SIRPG: variants seen among roughly 807,000 people sequenced by gnomAD.
SIRPG encodes the protein signal regulatory protein gamma.
SIRPG carries 38 observed loss-of-function variants against 35.7 expected under a neutral mutation model. That is an observed-to-expected ratio of 1.06 (90% CI 0.82 to 1.40). The LOEUF (loss-of-function observed/expected upper bound fraction) is 1.40. Among genes scored for constraint, SIRPG ranks in the 40% most tolerant of loss-of-function variants. The pLI, the probability that SIRPG is intolerant of heterozygous loss-of-function variation, is 0.00. For synonymous variants in SIRPG, 215 were observed against 190.4 expected, an observed-to-expected ratio of 1.13 and a Z score of -1.06; for missense variants, 519 against 483.0, an observed-to-expected ratio of 1.07 and a Z score of -0.70.
At chr20:1,658,450 T>C (rs1162912007), upstream of SIRPG, among the ~76,000 whole-genome samples, 1 of 152,110 alleles carries the variant, frequency 6.6e-6, no homozygotes, top group African/African-American at 2.4e-5. Context: ...AAGATTATGG[T>C]GGGCAGGTTC....
In SIRPG at chr20:1,657,773, C is replaced by G; in HGVS notation, c.-59G>C. ...GTCTGTTCTGGGGAGATGTCAGGCC[C>G]TGCTCTGAAGACAGAAGACAAGCCC... is the stretch of plus-strand genomic sequence containing the variant. On this transcript the variant is annotated 5_prime_UTR_variant, in exon 1 of 6. Transcript: ENST00000303415. 6.6e-7 allele frequency: 1 copy of G among 1,518,916 alleles called. No individual in the cohort carries two copies. The allele number at this position is 1,518,916 out of a possible 1,614,324, so 94.1% of individuals were successfully genotyped here.
rs2091920904 is a variant in SIRPG, at chr20:1,649,246, T to C, written c.236A>G (p.Asn79Ser). 1 of 1,613,998 alleles carries C rather than the reference T, an allele frequency of 6.2e-7. No individual in the cohort carries two copies. The highest frequency in any genetic ancestry group is 8.5e-7 in the Non-Finnish European group (1 of 1,180,030). The change falls in exon 2 of 6, where the codon AAT becomes AGT. Residue 79 changes from asparagine to serine, a missense_variant. By Grantham distance (46) the Asn-to-Ser change is conservative. Coordinates refer to ENST00000303415, the MANE Select transcript of SIRPG (RefSeq NM_018556.4). The stretch of plus-strand genomic sequence containing the variant: ...CCTGGGGAAGTGGCCTTCTTTTTGA[T>C]TGTAGATTAATTCCCGGCCTGGTCC... ...GVGPGRELIYNQKEGHFPRVT... is the reference protein window; with the variant it reads ...GVGPGRELIYSQKEGHFPRVT...
chr20:1,631,384 G>A (rs773086937), intron 4 of SIRPG, among the ~76,000 whole-genome samples: 14 of 152,120 alleles, frequency 9.2e-5, no homozygotes, highest in Admixed American at 6.5e-4. Flanking sequence ...ATTGAAAATA[G>A]GAAGGCCACG....
chr20:1,634,482 C>T (rs997532780), intron 4 of SIRPG, among the ~76,000 whole-genome samples: 18 of 151,336 alleles, frequency 1.2e-4, no homozygotes, highest in Non-Finnish European at 2.5e-4. Context: ...GCTGGGATTA[C>T]AGGCGTGAGC....
At chr20:1,663,008 A>G in the SIRPG span, among the ~76,000 whole-genome samples, 1 of 151,262 alleles carries the variant, frequency 6.6e-6, no homozygotes, top group Non-Finnish European at 1.5e-5. Context: ...ACAGGATTTG[A>G]CTTTTCAAAA....
At chr20:1,684,477 A>C in the SIRPG span, among the ~76,000 whole-genome samples, 81,320 of 151,792 alleles carry the variant, frequency 0.54, 21,991 homozygotes, top group Admixed American at 0.59. Context: ...ATACTATATA[A>C]AGATGTTTTG....
Position 1,657,732 on chromosome 20 carries a change from C to A in SIRPG, c.-18G>T. ...ACAGGCATTTTGGAGACCTCAGAAG[C>A]CTGCTCTGTTCAAACGTCTGTTCTG... On this transcript the variant is annotated 5_prime_UTR_variant, in exon 1 of 6. Coordinates refer to ENST00000303415, the MANE Select transcript of SIRPG (RefSeq NM_018556.4). The A allele has an allele frequency of 6.2e-7, 1 of 1,612,660 alleles. No homozygotes were observed. Among genetic ancestry groups the A allele is most frequent in the Non-Finnish European group, 8.5e-7 (1 of 1,178,762 alleles).
chr20:1,630,121 C>A, intron 5 of SIRPG, 101 bp downstream of exon 5: 1 of 923,050 alleles, frequency 1.1e-6, no homozygotes, highest in Non-Finnish European at 1.7e-6. Flanking sequence ...GGGAGCTTAA[C>A]TCCACGGACC....
chr20:1,686,137 A>G, the SIRPG span, among the ~76,000 whole-genome samples: 2 of 152,150 alleles, frequency 1.3e-5, no homozygotes, highest in East Asian at 3.8e-4. Context: ...GGATCACCTG[A>G]TTCCATCCCT....
chr20:1,650,516 G>A (rs777204836), intron 1 of SIRPG, among the ~76,000 whole-genome samples: 3 of 152,130 alleles, frequency 2.0e-5, no homozygotes, highest in African/African-American at 4.8e-5. Flanking sequence ...AAATCATAAA[G>A]CTGCAAGATG....
chr20:1,649,708 C>T (rs1172196240), intron 1 of SIRPG, among the ~76,000 whole-genome samples: 1 of 136,024 alleles, frequency 7.4e-6, no homozygotes, highest in East Asian at 2.4e-4. Context: ...ATAATCATGG[C>T]TCACGGCAAC....
At chr20:1,655,840 T>A (rs1385395910) in intron 1 of SIRPG, among the ~76,000 whole-genome samples, 3 of 152,058 alleles carry the variant, frequency 2.0e-5, no homozygotes, top group Non-Finnish European at 4.4e-5. Flanking sequence ...AAAATTTCAC[T>A]GAAAATAGAA....
the SIRPG span, among the ~76,000 whole-genome samples, chr20:1,677,301 G>A: frequency 6.6e-6 from 1 of 152,318 alleles, no homozygotes; most frequent in South Asian, 2.1e-4. Flanking sequence ...GCCATATGGA[G>A]TATTGCAATT....
At chr20:1,661,499 A>G (rs949316534), upstream of SIRPG, among the ~76,000 whole-genome samples, 3 of 152,206 alleles carry the variant, frequency 2.0e-5, no homozygotes, top group Non-Finnish European at 2.9e-5. Context: ...ACTCATGTAG[A>G]GCAGGCTGCA....
At chr20:1,632,370 C>G (rs371952403) in intron 4 of SIRPG, among the ~76,000 whole-genome samples, 2 of 152,162 alleles carry the variant, frequency 1.3e-5, no homozygotes, top group Non-Finnish European at 2.9e-5. Context: ...CAGTCTCTTA[C>G]CCGGCTCCCA....
chr20:1,648,702 T>A (rs1022664217), intron 2 of SIRPG, among the ~76,000 whole-genome samples: 3 of 151,824 alleles, frequency 2.0e-5, no homozygotes, highest in African/African-American at 7.3e-5. Flanking sequence ...AGAGAAGCGC[T>A]CTTTGGAGGC....
chr20:1,638,133 C>A (rs535438723), intron 2 of SIRPG, among the ~76,000 whole-genome samples: 1 of 152,312 alleles, frequency 6.6e-6, no homozygotes, highest in South Asian at 2.1e-4. Flanking sequence ...TCTTGGGAGC[C>A]TGATGCTGGC....
chr20:1,684,633 G>A, the SIRPG span, among the ~76,000 whole-genome samples: 1 of 152,174 alleles, frequency 6.6e-6, no homozygotes, highest in African/African-American at 2.4e-5. Flanking sequence ...GGTGTGATGG[G>A]TGATGATTAT....
At chr20:1,668,195 T>G in the SIRPG span, among the ~76,000 whole-genome samples, 1 of 31,138 alleles carries the variant, frequency 3.2e-5, no homozygotes, top group African/African-American at 7.6e-5. Flanking sequence ...TTCTTTTTCT[T>G]TTCTTTTCTT....
Sources: gnomAD v4.1 joint callset for allele counts (sites outside exome capture counted in the v4.1 genomes callset) on GRCh38, gnomAD v4.1.1 for gene constraint, MANE v1.5 for transcripts, NCBI Gene and HGNC (gene_info 2026-07-23, HGNC 2026-07-21) for gene names.